NECTIN1: variants seen among roughly 807,000 people sequenced by gnomAD.
NECTIN1 encodes nectin-1.
NECTIN1 carries 23 observed loss-of-function variants against 48.0 expected under a neutral mutation model. That is an observed-to-expected ratio of 0.48 (90% CI 0.34 to 0.68). The LOEUF (loss-of-function observed/expected upper bound fraction) is 0.68, where lower values mean the gene tolerates loss of function less well. Ranked by LOEUF, NECTIN1 falls within the 30% of genes least tolerant of loss-of-function variation. The pLI, the probability that NECTIN1 is intolerant of heterozygous loss-of-function variation, is 0.01. For missense variants in NECTIN1, 591 were observed against 709.9 expected, an observed-to-expected ratio of 0.83 and a Z score of 1.90; for synonymous variants, 270 against 288.9, an observed-to-expected ratio of 0.93 and a Z score of 0.66.
Position 119,677,341 on chromosome 11 carries a change from T to C in NECTIN1, c.734-122A>G. The stretch of plus-strand genomic sequence containing the variant: ...TGGAAACAGCCAGGAGAGAGGGAAG[T>C]GTGGGTGGGAGGGTGGCAATCACAG... On this transcript the variant is annotated intron_variant, in intron 3 of 5. Coordinates refer to ENST00000264025, the MANE Select transcript of NECTIN1 (RefSeq NM_002855.5). The surrounding 1 kb of genome is among the most constrained non-coding windows in gnomAD (Gnocchi z 5.4). 9.7e-7 allele frequency: 1 copy of C among 1,030,120 alleles called. No homozygotes were observed. The highest frequency in any genetic ancestry group is 1.5e-6 in the Non-Finnish European group (1 of 662,546). 63.8% of individuals were successfully genotyped at this position (1,030,120 alleles called of 1,614,324 possible). A position where few individuals can be genotyped will look rare whatever the true frequency, so the allele number is the denominator to read the frequency against.
chr11:119,645,942 T>C (rs1055719442), intron 5 of NECTIN1, among the ~76,000 whole-genome samples: 3 of 152,184 alleles, frequency 2.0e-5, no homozygotes, highest in African/African-American at 7.2e-5. Flanking sequence ...TGTCCTCCCC[T>C]TCTCTTAGGC....
At chr11:119,685,302 A>G (rs1464841733) in intron 1 of NECTIN1, among the ~76,000 whole-genome samples, 3 of 152,178 alleles carry the variant, frequency 2.0e-5, no homozygotes, top group Admixed American at 1.3e-4. Context: ...CCCCACATGG[A>G]GCTGTTTAAT....
chr11:119,664,441 A>G lies in NECTIN1; in HGVS notation c.*306T>C. The stretch of plus-strand genomic sequence containing the variant: ...CCCTGGAGGGATGCCCAGGTACACA[A>G]GACGAGAACAGGGCTCCCTACACAG... On this transcript the variant is annotated 3_prime_UTR_variant, in exon 6 of 6. Transcript: ENST00000264025. The G allele has an allele frequency of 8.6e-7, 1 of 1,164,716 alleles. No homozygotes were observed. Among genetic ancestry groups the G allele is most frequent in the East Asian group, 4.5e-5 (1 of 22,420 alleles). The allele number at this position is 1,164,716 out of a possible 1,614,324, so 72.1% of individuals were successfully genotyped here. A position where few individuals can be genotyped will look rare whatever the true frequency, so the allele number is the denominator to read the frequency against.
rs1864894260 is a variant in NECTIN1 at position 119,673,508 on chromosome 11, A to G, written c.1003+1651T>C. On this transcript the variant is annotated intron_variant, in intron 5 of 5. Transcript: ENST00000264025. The surrounding 1 kb of genome is among the most constrained non-coding windows in gnomAD (Gnocchi z 5.8). Reference sequence around the variant, plus strand: ...CACGCAGGGAGTACTGCATGATCGTAAGAAGCCTGAGACAAGTGTGAGTAT... The same window carrying G: ...CACGCAGGGAGTACTGCATGATCGTGAGAAGCCTGAGACAAGTGTGAGTAT... 6.6e-6 allele frequency among the ~76,000 whole-genome samples: 1 copy of G among 152,180 alleles called. No individual in the cohort carries two copies. Among genetic ancestry groups the G allele is most frequent in the South Asian group, 2.1e-4 (1 of 4,828 alleles).
intron 5 of NECTIN1, among the ~76,000 whole-genome samples, chr11:119,674,843 G>A (rs1468948635): frequency 2.0e-5 from 3 of 152,188 alleles, no homozygotes; most frequent in Non-Finnish European, 4.4e-5. Context: ...ATCCCACAGC[G>A]TGTTCTGCTG....
Position 119,677,120 on chromosome 11 carries a change from G to A in NECTIN1, c.833C>T (p.Thr278Ile). The A allele has an allele frequency of 6.2e-7, 1 of 1,614,080 alleles. No individual in the cohort carries two copies. Among genetic ancestry groups the A allele is most frequent in the Non-Finnish European group, 8.5e-7 (1 of 1,179,996 alleles). The change falls in exon 4 of 6, where the codon ACT becomes ATT. Residue 278 changes from threonine (T) to isoleucine (I), a missense_variant. Thr to Ile is a moderately conservative substitution (Grantham distance 89). Coordinates refer to ENST00000264025, the MANE Select transcript of NECTIN1 (RefSeq NM_002855.5). This position sits in a 1 kb window ranked among gnomAD's most constrained non-coding sequence, Gnocchi z 5.4. ...TCKADANPPA[T>I]EYHWTTLNGS... ...CACTTACGTGGTCCAGTGGTACTCA[G>A]TGGCTGGGGGGTTAGCATCAGCTTT...
rs570950156 is a variant in NECTIN1 at position 119,673,895 on chromosome 11, T to C, written c.1003+1264A>G. On this transcript the variant is annotated intron_variant, in intron 5 of 5. Transcript: ENST00000264025. The surrounding 1 kb of genome is among the most constrained non-coding windows in gnomAD (Gnocchi z 5.8). ...TTTCCCCAGGCTCCAACCCTGATGCTCCTCCTCCTATGACTAGTCTCGGGG... is the reference window on the plus strand; with the variant it reads ...TTTCCCCAGGCTCCAACCCTGATGCCCCTCCTCCTATGACTAGTCTCGGGG... Among the ~76,000 whole-genome samples the C allele has an allele frequency of 6.6e-6, 1 of 152,198 alleles. No individual in the cohort carries two copies. The highest frequency in any genetic ancestry group is 2.4e-5 in the African/African-American group (1 of 41,532).
intron 1 of NECTIN1, among the ~76,000 whole-genome samples, chr11:119,720,114 G>A (rs1224328603): frequency 1.3e-5 from 2 of 152,184 alleles, no homozygotes; most frequent in African/African-American, 2.4e-5. Flanking sequence ...GAGCAGTGTG[G>A]GCAGACTGGA....
intron 5 of NECTIN1, among the ~76,000 whole-genome samples, chr11:119,666,688 G>C (rs1029965829): frequency 2.6e-5 from 4 of 152,238 alleles, no homozygotes; most frequent in African/African-American, 9.6e-5. Context: ...TAAAGGGCCA[G>C]TTTGCCCGTA....
At chr11:119,713,438 C>T (rs1865689336) in intron 1 of NECTIN1, among the ~76,000 whole-genome samples, 1 of 152,110 alleles carries the variant, frequency 6.6e-6, no homozygotes, top group Non-Finnish European at 1.5e-5. Context: ...ACCAGTTTGA[C>T]TCCTGGACTT....
intron 4 of NECTIN1, 115 bp downstream of exon 4, chr11:119,676,987 C>T (rs1296641281): frequency 4.6e-6 from 4 of 877,396 alleles, no homozygotes. Context: ...TTACTGAGCC[C>T]AGACCCTAAT....
intron 5 of NECTIN1, among the ~76,000 whole-genome samples, chr11:119,655,382 TTTGTGGTAG>T (rs1283267207): frequency 6.6e-6 from 1 of 152,116 alleles, no homozygotes; most frequent in Non-Finnish European, 1.5e-5. Flanking sequence ...GAGGCGTCCA[TTTGTGGTAG>T]TTGGTGAACA....
At chr11:119,649,214 A>C (rs758288024) in intron 5 of NECTIN1, among the ~76,000 whole-genome samples, 2 of 152,162 alleles carry the variant, frequency 1.3e-5, no homozygotes, top group Non-Finnish European at 2.9e-5. Context: ...CCCCGTCTCA[A>C]CTAAACACAC....
intron 1 of NECTIN1, among the ~76,000 whole-genome samples, chr11:119,694,487 T>C (rs1206145640): frequency 6.6e-6 from 1 of 152,178 alleles, no homozygotes; most frequent in Non-Finnish European, 1.5e-5. Flanking sequence ...GAGCAGTTGG[T>C]GGTAGGCAGG....
intron 1 of NECTIN1, among the ~76,000 whole-genome samples, chr11:119,686,678 C>T (rs746461518): frequency 1.3e-5 from 2 of 152,162 alleles, no homozygotes; most frequent in Non-Finnish European, 2.9e-5. Flanking sequence ...GTTGCTGCCT[C>T]GGCGAAAACC....
intron 1 of NECTIN1, among the ~76,000 whole-genome samples, chr11:119,697,208 G>C (rs949937700): frequency 6.6e-6 from 1 of 152,206 alleles, no homozygotes; most frequent in South Asian, 2.1e-4. Context: ...ACAGCCGAGA[G>C]AGGGGGGTAG....
chr11:119,726,227 C>T (rs771861291), intron 1 of NECTIN1, among the ~76,000 whole-genome samples: 6 of 152,170 alleles, frequency 3.9e-5, no homozygotes, highest in Admixed American at 6.5e-5. Flanking sequence ...GACGCTATAG[C>T]GGGCAATGGG....
At position 119,655,659 on chromosome 11, in the gene NECTIN1, A is replaced by C. The variant is rs146352746; in HGVS notation, c.1004-15647T>G. ...AGGAGTAGCCATCTTCCAATATTTG[A>C]AGGACTATCCCAAGAAGGCTAGATG... On this transcript the variant is annotated intron_variant, in intron 5 of 7. Transcript: ENST00000341398. 1.3e-3 allele frequency among the ~76,000 whole-genome samples: 198 copies of C among 152,340 alleles called. 3 individuals are homozygous for C. In the East Asian group the frequency reaches 0.035, roughly 27 times the overall value.
chr11:119,690,242 A>G (rs1381120939), intron 1 of NECTIN1, among the ~76,000 whole-genome samples: 1 of 152,190 alleles, frequency 6.6e-6, no homozygotes. Flanking sequence ...AGGTGGCACA[A>G]CCATGGACTG....
Sources: allele counts gnomAD v4.1 joint callset (sites outside exome capture counted in the v4.1 genomes callset), GRCh38; gene constraint gnomAD v4.1.1; non-coding constraint Gnocchi (gnomAD v3.1); transcripts MANE v1.5; gene names NCBI Gene and HGNC (gene_info 2026-07-23, HGNC 2026-07-21).